DMD: variants seen among roughly 807,000 people sequenced by gnomAD.
The protein encoded by DMD is dystrophin.
DMD carries 63 observed loss-of-function variants against 330.1 expected under a neutral mutation model. The observed-to-expected ratio is 0.19, with a 90% confidence interval of 0.16 to 0.24. The LOEUF (loss-of-function observed/expected upper bound fraction) is 0.24, where lower values mean the gene tolerates loss of function less well. Ranked by LOEUF, DMD falls within the 10% of genes least tolerant of loss-of-function variation. The pLI, the probability that DMD is intolerant of heterozygous loss-of-function variation, is 1.00. For missense variants in DMD, 3,344 were observed against 2,684.1 expected, an observed-to-expected ratio of 1.25 and a Z score of -5.43; for synonymous variants, 1,223 against 959.8, an observed-to-expected ratio of 1.27 and a Z score of -5.07.
chrX:32,228,148 C>G (rs2097155108), intron 43 of DMD, among the ~76,000 whole-genome samples: 1 of 111,321 alleles, frequency 9.0e-6, no homozygotes, highest in Admixed American at 9.6e-5. Flanking sequence ...GTTAGAGATT[C>G]ATTTCTTTAC....
intron 7 of DMD, among the ~76,000 whole-genome samples, chrX:32,704,666 G>C (rs115104108): frequency 0.025 from 2,759 of 112,144 alleles, 91 homozygotes; most frequent in African/African-American, 0.084. Flanking sequence ...ATGTCATTTA[G>C]AAACCATGAT....
At chrX:33,061,401 G>A (rs966519277) in intron 1 of DMD, among the ~76,000 whole-genome samples, 7 of 111,867 alleles carry the variant, frequency 6.3e-5, no homozygotes, top group African/African-American at 1.9e-4. Flanking sequence ...TCAAAGTGAT[G>A]AGCTTTGGAG....
intron 48 of DMD, among the ~76,000 whole-genome samples, chrX:31,864,453 C>T (rs2093761772): frequency 9.7e-6 from 1 of 102,896 alleles, no homozygotes; most frequent in African/African-American, 3.6e-5. Context: ...TTTTCTGGTA[C>T]CAACTTGCTG....
At chrX:32,282,497 G>A (rs1292498190) in intron 43 of DMD, among the ~76,000 whole-genome samples, 1 of 112,049 alleles carries the variant, frequency 8.9e-6, no homozygotes, top group Non-Finnish European at 1.9e-5. Context: ...ACTGTTGACT[G>A]TGTTGACTGT....
At chrX:32,656,297 G>A (rs961677419) in intron 9 of DMD, among the ~76,000 whole-genome samples, 5 of 111,841 alleles carry the variant, frequency 4.5e-5, no homozygotes, top group Admixed American at 1.9e-4. Flanking sequence ...CCGTGACTAC[G>A]AAGACAGCGT....
Position 31,148,375 on chromosome X carries a change from G to A in DMD, c.10554-857C>T, listed in dbSNP as rs1218078954. On this transcript the variant is annotated intron_variant, in intron 74 of 78. Coordinates refer to ENST00000357033, the MANE Select transcript of DMD (RefSeq NM_004006.3). ...ACCATTTTGGAGATTTCTCCAGGTC[G>A]ATACATAATAGTTTGCTATTTTAAC... 3.6e-5 allele frequency among the ~76,000 whole-genome samples: 4 copies of A among 112,182 alleles called. No individual in the cohort carries two copies. The Admixed American group carries it at 3.8e-4, about 11-fold the overall frequency.
At chrX:33,122,703 A>G (rs1189655910) in intron 1 of DMD, among the ~76,000 whole-genome samples, 1 of 112,178 alleles carries the variant, frequency 8.9e-6, no homozygotes, top group African/African-American at 3.2e-5. Flanking sequence ...AGTCTTGAAT[A>G]TAGAGTGAAG....
At chrX:31,528,603 T>C (rs1425971572) in intron 55 of DMD, among the ~76,000 whole-genome samples, 3 of 112,464 alleles carry the variant, frequency 2.7e-5, no homozygotes, top group Non-Finnish European at 5.6e-5. Context: ...AGGCGCTCAA[T>C]AAATCGAGCT....
chrX:32,534,785 C>A (rs2047804240), intron 17 of DMD, among the ~76,000 whole-genome samples: 1 of 110,670 alleles, frequency 9.0e-6, no homozygotes, highest in South Asian at 3.9e-4. Context: ...CTTCCAAAGT[C>A]TCCATTTCCA....
intron 2 of DMD, among the ~76,000 whole-genome samples, chrX:33,010,069 C>A (rs1217798394): frequency 1.7e-5 from 1 of 57,548 alleles, no homozygotes. Flanking sequence ...TGTATATATA[C>A]ACAAATGTGC....
chrX:32,690,435 G>C (rs906167868), intron 9 of DMD, among the ~76,000 whole-genome samples: 14 of 111,384 alleles, frequency 1.3e-4, no homozygotes, highest in African/African-American at 3.9e-4. Context: ...GAAATCTACA[G>C]AACTAATATA....
At chrX:31,344,927 T>C (rs973870025) in intron 61 of DMD, among the ~76,000 whole-genome samples, 7 of 111,262 alleles carry the variant, frequency 6.3e-5, no homozygotes, top group Admixed American at 2.9e-4. Flanking sequence ...TTTCTGATAG[T>C]GATTATCTCT....
intron 44 of DMD, among the ~76,000 whole-genome samples, chrX:32,074,061 T>C (rs1447421215): frequency 9.0e-6 from 1 of 111,511 alleles, no homozygotes; most frequent in African/African-American, 3.3e-5. Flanking sequence ...GATGAAAAAT[T>C]CTCAAACTTT....
intron 51 of DMD, among the ~76,000 whole-genome samples, chrX:31,743,342 T>TG (rs2149083316): frequency 8.9e-6 from 1 of 112,673 alleles, no homozygotes; most frequent in East Asian, 2.8e-4. Flanking sequence ...ATCCCATTAC[T>TG]GGGCATATAG....
chrX:31,379,855 A>G (rs940944465), intron 60 of DMD, among the ~76,000 whole-genome samples: 2 of 111,707 alleles, frequency 1.8e-5, no homozygotes, highest in East Asian at 2.8e-4. Context: ...CCATCTGTGG[A>G]GGACCCCACT....
At chrX:31,150,263 G>A (rs1281901012) in intron 74 of DMD, among the ~76,000 whole-genome samples, 1 of 111,642 alleles carries the variant, frequency 9.0e-6, no homozygotes, top group East Asian at 2.8e-4. Flanking sequence ...CTGTTTCTAG[G>A]TAGTATACTT....
chrX:31,897,492 C>A (rs796263442), intron 47 of DMD, among the ~76,000 whole-genome samples: 1 of 98,150 alleles, frequency 1.0e-5, no homozygotes, highest in African/African-American at 3.8e-5. Context: ...CCTGAGGAAT[C>A]GCCACACCGA....
At chrX:31,311,649 A>G (rs2055530995) in intron 62 of DMD, among the ~76,000 whole-genome samples, 1 of 110,759 alleles carries the variant, frequency 9.0e-6, no homozygotes, top group Non-Finnish European at 1.9e-5. Context: ...TTGATTCCAC[A>G]TGAAATTTAA....
chrX:31,584,030 T>C (rs1267451544), intron 55 of DMD, among the ~76,000 whole-genome samples: 1 of 106,510 alleles, frequency 9.4e-6, no homozygotes, highest in Non-Finnish European at 1.9e-5. Context: ...GTCCTTGCCA[T>C]AGTTTGCTGA....
Sources: gnomAD v4.1 joint callset for allele counts (sites outside exome capture counted in the v4.1 genomes callset) on GRCh38, gnomAD v4.1.1 for gene constraint, MANE v1.5 for transcripts, NCBI Gene and HGNC (gene_info 2026-07-23, HGNC 2026-07-21) for gene names.